CLDN16: variants seen among roughly 807,000 people sequenced by gnomAD.
CLDN16 encodes the protein claudin-16.
A neutral mutation model predicts 24.6 loss-of-function variants in CLDN16; 13 were observed. The ratio of observed to expected loss-of-function variants is 0.53; its 90% CI spans 0.34 to 0.84. The LOEUF is 0.84. Ranked by LOEUF, CLDN16 falls within the 40% of genes least tolerant of loss-of-function variation. The pLI is 0.01. For missense variants in CLDN16, 298 were observed against 292.7 expected (o/e 1.02, Z -0.13); for synonymous variants, 116 against 106.7 (o/e 1.09, Z -0.54).
the CLDN16 span, among the ~76,000 whole-genome samples, chr3:190,296,170 TGACG>T: frequency 6.6e-6 from 1 of 152,252 alleles, no homozygotes; most frequent in Non-Finnish European, 1.5e-5. Context: ...TGTGATACAA[TGACG>T]AGCATAATAT....
intron 1 of CLDN16, among the ~76,000 whole-genome samples, chr3:190,329,114 T>G (rs1717129757): frequency 6.6e-6 from 1 of 152,074 alleles, no homozygotes. Context: ...TTGAGCAAAT[T>G]TGTTATTTTT....
At position 190,410,336 on chromosome 3, in the gene CLDN16, C is replaced by T. The variant is rs1287399767; in HGVS notation, c.*300C>T. On this transcript the variant is annotated 3_prime_UTR_variant, in exon 5 of 5. Transcript: ENST00000264734. ...TCTATATAGCTATTAGAGATTATGACATAGTAATATTAAAATGAAATGATA... is the reference window on the plus strand; with the variant it reads ...TCTATATAGCTATTAGAGATTATGATATAGTAATATTAAAATGAAATGATA... The T allele has an allele frequency of 3.6e-6, 1 of 280,128 alleles. No individual in the cohort carries two copies. Among genetic ancestry groups the T allele is most frequent in the Non-Finnish European group, 6.8e-6 (1 of 147,156 alleles). 17.4% of individuals were successfully genotyped at this position (280,128 alleles called of 1,614,324 possible).
intron 1 of CLDN16, among the ~76,000 whole-genome samples, chr3:190,362,356 G>A (rs1488428435): frequency 6.6e-6 from 1 of 151,786 alleles, no homozygotes; most frequent in African/African-American, 2.4e-5. Context: ...TCAGTTCTGC[G>A]ATCCCACCCA....
At chr3:190,329,521 C>A (rs1717138509) in intron 1 of CLDN16, among the ~76,000 whole-genome samples, 1 of 152,008 alleles carries the variant, frequency 6.6e-6, no homozygotes, top group Non-Finnish European at 1.5e-5. Flanking sequence ...ATGGCTCTTT[C>A]CTGAGGGATT....
chr3:190,329,071 A>G (rs1357381477), intron 1 of CLDN16, among the ~76,000 whole-genome samples: 1 of 152,202 alleles, frequency 6.6e-6, no homozygotes, highest in African/African-American at 2.4e-5. Context: ...ATAGTAGTCA[A>G]TAAGGAGCAA....
chr3:190,402,291 T>G, intron 1 of CLDN16, 46 bp from the exon 2 acceptor site: 1 of 1,412,158 alleles, frequency 7.1e-7, no homozygotes. Context: ...GGAACTGAAC[T>G]GTGCCTGCAT....
chr3:190,351,494 T>G (rs910968840), intron 1 of CLDN16, among the ~76,000 whole-genome samples: 6 of 152,200 alleles, frequency 3.9e-5, no homozygotes, highest in Non-Finnish European at 8.8e-5. Context: ...ATGTGTAAAA[T>G]GTAACCTAGT....
intron 1 of CLDN16, among the ~76,000 whole-genome samples, chr3:190,344,627 C>A (rs1717513001): frequency 6.6e-6 from 1 of 150,712 alleles, no homozygotes; most frequent in African/African-American, 2.4e-5. Context: ...TTTATTTTGG[C>A]AAAACATTAA....
intron 1 of CLDN16, among the ~76,000 whole-genome samples, chr3:190,391,596 T>C (rs749790449): frequency 6.6e-6 from 1 of 152,090 alleles, no homozygotes; most frequent in African/African-American, 2.4e-5. Flanking sequence ...ATTGTAGAAA[T>C]GGCAGCAGGG....
In CLDN16 at chr3:190,407,928, T is replaced by C. The variant is rs1335753141; in HGVS notation, c.383-386T>C. ...TTACAGAATGAACATATGCTCTATG[T>C]TGTTTGTGTTAGACTACATTCTTTT... On this transcript the variant is annotated intron_variant, in intron 3 of 4. Transcript: ENST00000264734. Among the ~76,000 whole-genome samples the C allele has an allele frequency of 2.0e-5, 3 of 152,184 alleles. No individual in the cohort carries two copies. In the East Asian group the frequency reaches 5.8e-4, roughly 29 times the overall value.
the CLDN16 span, among the ~76,000 whole-genome samples, chr3:190,299,471 GT>G: frequency 6.6e-6 from 1 of 151,608 alleles, no homozygotes; most frequent in Non-Finnish European, 1.5e-5. Context: ...ATTTTTTAAG[GT>G]TTTGTTTTTG....
intron 2 of CLDN16, among the ~76,000 whole-genome samples, chr3:190,403,050 A>G (rs1719002707): frequency 6.6e-6 from 1 of 152,204 alleles, no homozygotes. Flanking sequence ...AGTTAAAGCC[A>G]GGTGCAGTGG....
At chr3:190,356,630 T>C (rs1212937567) in intron 1 of CLDN16, among the ~76,000 whole-genome samples, 2 of 151,916 alleles carry the variant, frequency 1.3e-5, no homozygotes, top group African/African-American at 4.8e-5. Flanking sequence ...AAAGCTGGCA[T>C]TTAAAAGCAG....
chr3:190,312,187 T>G, the CLDN16 span, among the ~76,000 whole-genome samples: 2 of 152,052 alleles, frequency 1.3e-5, no homozygotes, highest in Non-Finnish European at 2.9e-5. Context: ...CTCCTCAGCC[T>G]CCAAAAGTGC....
upstream of CLDN16, among the ~76,000 whole-genome samples, chr3:190,386,705 TG>T (rs1718506124): frequency 1.3e-5 from 2 of 152,184 alleles, no homozygotes; most frequent in African/African-American, 2.4e-5. Flanking sequence ...AGGGAAATTC[TG>T]GATAGCAGGG....
chr3:190,317,387 A>ATCATTTT, the CLDN16 span, among the ~76,000 whole-genome samples: 1 of 152,222 alleles, frequency 6.6e-6, no homozygotes, highest in Non-Finnish European at 1.5e-5. Context: ...AGGAGTTCTC[A>ATCATTTT]TCATTTTCCA....
chr3:190,323,262 C>T (rs555907807), intron 1 of CLDN16, among the ~76,000 whole-genome samples: 1 of 152,280 alleles, frequency 6.6e-6, no homozygotes, highest in South Asian at 2.1e-4. Context: ...TGGCCAGTGC[C>T]CCGCTCTCCC....
chr3:190,363,919 AC>A (rs5855326), intron 1 of CLDN16, among the ~76,000 whole-genome samples: 104,978 of 151,538 alleles, frequency 0.69, 36,839 homozygotes, highest in Middle Eastern at 0.78. Context: ...GTATATTCTT[AC>A]CAGGAATTAT....
chr3:190,367,604 C>T (rs1379159727), intron 1 of CLDN16, among the ~76,000 whole-genome samples: 2 of 151,918 alleles, frequency 1.3e-5, no homozygotes, highest in East Asian at 1.9e-4. Flanking sequence ...ACAGAACATA[C>T]GGTCTGCAAA....
Sources: gnomAD v4.1 joint callset for allele counts (sites outside exome capture counted in the v4.1 genomes callset) on GRCh38, gnomAD v4.1.1 for gene constraint, MANE v1.5 for transcripts, NCBI Gene and HGNC (gene_info 2026-07-23, HGNC 2026-07-21) for gene names.